The following NEGR1 variants were observed in gnomAD, a reference collection of about 807,000 sequenced individuals.
NEGR1 encodes neuronal growth regulator 1, also known as IgLON family member 4.
NEGR1 carries 10 observed loss-of-function variants against 40.9 expected under a neutral mutation model. That is an observed-to-expected ratio of 0.24 (90% CI 0.15 to 0.42). The LOEUF is 0.42. Ranked by LOEUF, NEGR1 falls within the 10% of genes least tolerant of loss-of-function variation. NEGR1 has a pLI of 1.00. For missense variants in NEGR1, 352 were observed against 438.9 expected (o/e 0.80, Z 1.77); for synonymous variants, 185 against 166.8 (o/e 1.11, Z -0.84).
At chr1:72,254,543 A>G (rs1655202117) in intron 1 of NEGR1, among the ~76,000 whole-genome samples, 1 of 151,996 alleles carries the variant, frequency 6.6e-6, no homozygotes, top group South Asian at 2.1e-4. Context: ...TCTACTAAAA[A>G]TACAAAAAAT....
intron 2 of NEGR1, among the ~76,000 whole-genome samples, chr1:71,865,439 C>A (rs1159693242): frequency 6.6e-6 from 1 of 152,106 alleles, no homozygotes; most frequent in Non-Finnish European, 1.5e-5. Context: ...TTTGCAGGGA[C>A]ATGGATGAGG....
chr1:71,735,046 A>G (rs1251046855), intron 3 of NEGR1, among the ~76,000 whole-genome samples: 4 of 151,926 alleles, frequency 2.6e-5, no homozygotes, highest in Non-Finnish European at 4.4e-5. Flanking sequence ...TAATTTGCCA[A>G]CTTCCAATTT....
chr1:72,084,394 C>T (rs1648128396), intron 1 of NEGR1, among the ~76,000 whole-genome samples: 1 of 152,188 alleles, frequency 6.6e-6, no homozygotes, highest in Non-Finnish European at 1.5e-5. Context: ...GCAGCATTCT[C>T]TGAACATTGC....
At chr1:71,915,760 C>G (rs757139496) in intron 2 of NEGR1, among the ~76,000 whole-genome samples, 7 of 152,102 alleles carry the variant, frequency 4.6e-5, no homozygotes, top group Admixed American at 4.6e-4. Context: ...ATTTTCTCCA[C>G]AGAACATGGT....
intron 1 of NEGR1, among the ~76,000 whole-genome samples, chr1:72,011,852 A>C (rs1229668455): frequency 6.6e-6 from 1 of 152,146 alleles, no homozygotes; most frequent in Non-Finnish European, 1.5e-5. Flanking sequence ...AAAATAGCCT[A>C]AAGTGTGCAG....
chr1:71,499,149 A>T (rs1213675916), intron 6 of NEGR1, among the ~76,000 whole-genome samples: 1 of 152,280 alleles, frequency 6.6e-6, no homozygotes, highest in African/African-American at 2.4e-5. Flanking sequence ...ATGAACTGTC[A>T]TTAGGTGTCT....
chr1:72,261,969 T>C (rs115674233), intron 1 of NEGR1, among the ~76,000 whole-genome samples: 163 of 152,182 alleles, frequency 1.1e-3, no homozygotes, highest in African/African-American at 3.9e-3. Flanking sequence ...CATTACACAG[T>C]ATCTCTATGT....
intron 1 of NEGR1, among the ~76,000 whole-genome samples, chr1:72,072,775 C>T (rs956105213): frequency 6.6e-6 from 1 of 151,994 alleles, no homozygotes; most frequent in Non-Finnish European, 1.5e-5. Flanking sequence ...AGAGAACTCC[C>T]TTTGTGTTGC....
At chr1:71,850,369 T>C (rs929905238) in intron 2 of NEGR1, among the ~76,000 whole-genome samples, 3 of 151,970 alleles carry the variant, frequency 2.0e-5, no homozygotes, top group Admixed American at 6.6e-5. Context: ...TTTCCTAAGC[T>C]GGTCTTGAGT....
At chr1:71,816,597 C>A (rs1435353893) in intron 2 of NEGR1, among the ~76,000 whole-genome samples, 1 of 151,998 alleles carries the variant, frequency 6.6e-6, no homozygotes. Context: ...CCCCAAGATT[C>A]AATTACCTCC....
At chr1:72,024,305 G>GT (rs921386045) in intron 1 of NEGR1, among the ~76,000 whole-genome samples, 13 of 150,536 alleles carry the variant, frequency 8.6e-5, no homozygotes, top group African/African-American at 2.4e-4. Context: ...TGTTTTCATG[G>GT]TTTTTTTTTC....
intron 2 of NEGR1, among the ~76,000 whole-genome samples, chr1:71,879,218 G>C (rs991449299): frequency 6.6e-6 from 1 of 151,920 alleles, no homozygotes; most frequent in Non-Finnish European, 1.5e-5. Context: ...ATGTGTAAAG[G>C]ATCATGCATA....
At chr1:71,927,851 A>AAAAAAAG (rs1557437874) in intron 2 of NEGR1, among the ~76,000 whole-genome samples, 7 of 125,382 alleles carry the variant, frequency 5.6e-5, no homozygotes, top group African/African-American at 2.3e-4. Context: ...AAAAAAAAAA[A>AAAAAAAG]GCCAGGCAGA....
At chr1:71,693,945 C>T (rs1408437335) in intron 4 of NEGR1, among the ~76,000 whole-genome samples, 1 of 151,686 alleles carries the variant, frequency 6.6e-6, no homozygotes, top group East Asian at 1.9e-4. Flanking sequence ...CTAAATTTTT[C>T]AAATTCTATA....
At chr1:71,652,419 C>G (rs1014511511) in intron 4 of NEGR1, among the ~76,000 whole-genome samples, 2 of 152,096 alleles carry the variant, frequency 1.3e-5, no homozygotes, top group African/African-American at 2.4e-5. Flanking sequence ...ATGGTCAAAT[C>G]TAGCCATCTA....
chr1:71,931,569 C>G (rs1043251466), intron 2 of NEGR1, among the ~76,000 whole-genome samples: 2 of 152,068 alleles, frequency 1.3e-5, no homozygotes, highest in African/African-American at 4.8e-5. Flanking sequence ...AACAAGAAAG[C>G]AAGAGGGGGC....
At chr1:71,819,874 C>G (rs575893140) in intron 2 of NEGR1, among the ~76,000 whole-genome samples, 6 of 151,904 alleles carry the variant, frequency 3.9e-5, no homozygotes, top group African/African-American at 1.4e-4. Context: ...ATGCTCCACA[C>G]GGAAGCCAGA....
chr1:71,613,508 A>G (rs896982295), intron 4 of NEGR1, among the ~76,000 whole-genome samples: 3 of 152,114 alleles, frequency 2.0e-5, no homozygotes, highest in South Asian at 4.2e-4. Flanking sequence ...TTAGCCAGGC[A>G]TAGTGGTGGG....
intron 1 of NEGR1, among the ~76,000 whole-genome samples, chr1:72,205,631 C>T (rs1375534147): frequency 1.3e-5 from 2 of 149,004 alleles, no homozygotes; most frequent in Non-Finnish European, 3.0e-5. Flanking sequence ...AAAAAAAATA[C>T]TTCCACTGGA....
Sources: allele counts gnomAD v4.1 joint callset (sites outside exome capture counted in the v4.1 genomes callset), GRCh38; gene constraint gnomAD v4.1.1; transcripts MANE v1.5; gene names NCBI Gene and HGNC (gene_info 2026-07-23, HGNC 2026-07-21).